Variants in PDZRN3 observed in about 807,000 individuals in gnomAD.
The protein encoded by PDZRN3 is E3 ubiquitin-protein ligase PDZRN3.
PDZRN3 carries 38 observed loss-of-function variants against 85.7 expected under a neutral mutation model. That is an observed-to-expected ratio of 0.44 (90% confidence interval 0.34 to 0.58). The LOEUF is 0.58. Among genes scored for constraint, PDZRN3 ranks in the 20% least tolerant of loss-of-function variants. The probability of loss-of-function intolerance (pLI) is 0.01; values close to 1 mark genes in which losing one functional copy is unlikely to be tolerated. For synonymous variants in PDZRN3, 759 were observed against 638.0 expected (o/e 1.19, Z -2.86); for missense variants, 1,629 against 1,506.4 (o/e 1.08, Z -1.35).
intron 3 of PDZRN3, among the ~76,000 whole-genome samples, chr3:73,527,761 A>G (rs972869553): frequency 6.6e-5 from 10 of 152,230 alleles, no homozygotes; most frequent in Non-Finnish European, 1.3e-4. Flanking sequence ...ACTCTGGTTA[A>G]TGTGGGCTCG....
chr3:73,433,919 C>T (rs1702482296), intron 3 of PDZRN3: 1 of 1,419,706 alleles, frequency 7.0e-7, no homozygotes, highest in Non-Finnish European at 9.2e-7. Context: ...TGCATGCATG[C>T]ACGCGCGTGC....
At chr3:73,403,205 C>A (rs534891782) in intron 4 of PDZRN3, among the ~76,000 whole-genome samples, 2 of 152,182 alleles carry the variant, frequency 1.3e-5, no homozygotes, top group African/African-American at 2.4e-5. Flanking sequence ...CTCGGCCTCC[C>A]GAAGTGCTGG....
chr3:73,437,589 A>G (rs1166696257), intron 3 of PDZRN3, among the ~76,000 whole-genome samples: 1 of 152,194 alleles, frequency 6.6e-6, no homozygotes, highest in Admixed American at 6.5e-5. Context: ...GAGGAATGGA[A>G]AGGATACTAA....
intron 3 of PDZRN3, among the ~76,000 whole-genome samples, chr3:73,588,069 C>T (rs1195635007): frequency 4.6e-5 from 7 of 152,186 alleles, no homozygotes; most frequent in Admixed American, 4.6e-4. Context: ...GACCTGTCCT[C>T]TAAGTTCCCT....
At chr3:73,611,959 T>C (rs539218119) in intron 1 of PDZRN3, among the ~76,000 whole-genome samples, 1 of 152,342 alleles carries the variant, frequency 6.6e-6, no homozygotes, top group Non-Finnish European at 1.5e-5. Flanking sequence ...GTAAATGGGA[T>C]AAGGGCAAAG....
chr3:73,531,568 T>A (rs927627117), intron 3 of PDZRN3, among the ~76,000 whole-genome samples: 2 of 152,190 alleles, frequency 1.3e-5, no homozygotes, highest in Non-Finnish European at 2.9e-5. Context: ...CTACTTCTGA[T>A]TAGTTGCTAC....
intron 4 of PDZRN3, among the ~76,000 whole-genome samples, chr3:73,402,941 CTTTTTTTT>C (rs140037400): frequency 1.7e-5 from 2 of 115,674 alleles, no homozygotes; most frequent in Non-Finnish European, 3.5e-5. Context: ...ACATGAAAAG[CTTTTTTTT>C]TTTTTTTTTT....
chr3:73,416,083 T>C (rs149323680), intron 3 of PDZRN3, among the ~76,000 whole-genome samples: 301 of 152,258 alleles, frequency 2.0e-3, no homozygotes, highest in African/African-American at 7.0e-3. Flanking sequence ...TGTTTGTTTT[T>C]CCTTCTGTTT....
chr3:73,389,290 G>A (rs1701469241), intron 7 of PDZRN3, among the ~76,000 whole-genome samples: 1 of 152,112 alleles, frequency 6.6e-6, no homozygotes, highest in South Asian at 2.1e-4. Flanking sequence ...CAGGGCTCGA[G>A]GTCAAGTAAT....
intron 3 of PDZRN3, among the ~76,000 whole-genome samples, chr3:73,416,813 A>T (rs1268355953): frequency 3.3e-5 from 5 of 150,992 alleles, no homozygotes; most frequent in African/African-American, 4.9e-5. Flanking sequence ...GAACCATATT[A>T]AAAAATCCAA....
Position 73,384,841 on chromosome 3 carries a change from G to T in PDZRN3, c.1725C>A (p.Asp575Glu), listed in dbSNP as rs765452154. ...HEKDSGVGRT[D>E]ESTRNDESSE... ...AGCTCTCGTCATTACGGGTGCTCTC[G>T]TCGGTCCGCCCCACACCGCTGTCCT... Residue 575 changes from aspartate (D) to glutamate (E), a missense_variant, in exon 10 of 10, where the codon GAC (aspartate) becomes GAA (glutamate). Physicochemically the swap from Asp to Glu is conservative, Grantham distance 45 (BLOSUM62 2). Coordinates refer to ENST00000263666, the MANE Select transcript of PDZRN3 (RefSeq NM_015009.3). The T allele has an allele frequency of 6.2e-7, 1 of 1,614,138 alleles. No individual in the cohort carries two copies. Among genetic ancestry groups the T allele is most frequent in the Non-Finnish European group, 8.5e-7 (1 of 1,180,040 alleles).
At position 73,383,952 on chromosome 3, in the gene PDZRN3, G is replaced by A. The variant is rs535289891; in HGVS notation, c.2614C>T (p.His872Tyr). The A allele has an allele frequency of 2.6e-5, 41 of 1,601,460 alleles. No homozygotes were observed. The highest frequency in any genetic ancestry group is 4.0e-5 in the African/African-American group (3 of 74,762). Residue 872 changes from histidine to tyrosine, a missense_variant, in exon 10 of 10, where the codon CAC becomes TAC. By Grantham distance (83) the His-to-Tyr change is moderately conservative. Coordinates refer to ENST00000263666, the MANE Select transcript of PDZRN3 (RefSeq NM_015009.3). ...SYHHSPYKHA[H>Y]IPAHAQHYQS... is the part of the protein sequence containing the mutation. ...TAGTGCTGGGCGTGCGCCGGGATGT[G>A]CGCGTGCTTGTATGGGGAGTGGTGA... is the stretch of plus-strand genomic sequence containing the variant.
chr3:73,411,672 G>A (rs1205304146), intron 3 of PDZRN3, among the ~76,000 whole-genome samples: 1 of 151,160 alleles, frequency 6.6e-6, no homozygotes, highest in Non-Finnish European at 1.5e-5. Context: ...CATAGAAGGG[G>A]CTGCTGGGTG....
chr3:73,549,032 G>C (rs1469170491), intron 3 of PDZRN3, among the ~76,000 whole-genome samples: 2 of 152,198 alleles, frequency 1.3e-5, no homozygotes, highest in East Asian at 3.9e-4. Flanking sequence ...ATTTTCTTTT[G>C]ATAGGTCAAA....
intron 3 of PDZRN3, among the ~76,000 whole-genome samples, chr3:73,468,307 A>G (rs1247125144): frequency 1.3e-5 from 2 of 152,178 alleles, no homozygotes; most frequent in Non-Finnish European, 2.9e-5. Flanking sequence ...TAGAGCCTCC[A>G]GAAAAGAATG....
At chr3:73,386,936 A>G (rs1046734823) in intron 8 of PDZRN3, among the ~76,000 whole-genome samples, 7 of 152,322 alleles carry the variant, frequency 4.6e-5, no homozygotes, top group East Asian at 1.9e-4. Flanking sequence ...TGTAGCTCCC[A>G]TAAGTCCTAC....
intron 3 of PDZRN3, among the ~76,000 whole-genome samples, chr3:73,454,881 A>G (rs1410632760): frequency 1.3e-5 from 2 of 152,022 alleles, no homozygotes; most frequent in Admixed American, 6.5e-5. Flanking sequence ...TACCCATTTT[A>G]AAGTTTCTTC....
chr3:73,616,214 G>A (rs764324889), intron 1 of PDZRN3, among the ~76,000 whole-genome samples: 7 of 152,166 alleles, frequency 4.6e-5, no homozygotes, highest in South Asian at 2.1e-4. Context: ...AGCAGACGCC[G>A]GTGCCATGTT....
intron 3 of PDZRN3, among the ~76,000 whole-genome samples, chr3:73,450,968 C>A (rs1179263844): frequency 3.3e-5 from 5 of 152,014 alleles, no homozygotes; most frequent in African/African-American, 9.7e-5. Flanking sequence ...ATTTCACCCA[C>A]ACCCACCTCT....
Sources: allele counts gnomAD v4.1 joint callset (sites outside exome capture counted in the v4.1 genomes callset), GRCh38; gene constraint gnomAD v4.1.1; transcripts MANE v1.5; gene names NCBI Gene and HGNC (gene_info 2026-07-23, HGNC 2026-07-21).